RHOU: variants seen among roughly 807,000 people sequenced by gnomAD.
RHOU encodes the protein ras homolog family member U, also known as rho-related GTP-binding protein RhoU.
A neutral mutation model predicts 12.6 loss-of-function variants in RHOU; 8 were observed. The observed-to-expected ratio is 0.64, with a 90% CI of 0.37 to 1.15. RHOU has a LOEUF of 1.15. RHOU is among the 50% of genes most tolerant of loss of function. The pLI is 0.01. For synonymous variants in RHOU, 161 were observed against 147.4 expected, an observed-to-expected ratio of 1.09 and a Z score of -0.67; for missense variants, 258 against 347.0, an observed-to-expected ratio of 0.74 and a Z score of 2.04.
chr1:228,681,691 C>T, the RHOU span, among the ~76,000 whole-genome samples: 2 of 151,922 alleles, frequency 1.3e-5, no homozygotes, highest in African/African-American at 4.8e-5. Flanking sequence ...TGGGGCCAAG[C>T]GGTGTTGGAG....
At chr1:228,702,750 A>G in the RHOU span, among the ~76,000 whole-genome samples, 1 of 152,208 alleles carries the variant, frequency 6.6e-6, no homozygotes, top group Non-Finnish European at 1.5e-5. Context: ...TATTTTACCA[A>G]CAATTTAAAA....
chr1:228,722,705 C>T, the RHOU span, among the ~76,000 whole-genome samples: 1 of 152,152 alleles, frequency 6.6e-6, no homozygotes, highest in East Asian at 1.9e-4. Flanking sequence ...TCACTGCAAC[C>T]TCTGCCTCCC....
chr1:228,680,984 G>A, the RHOU span, among the ~76,000 whole-genome samples: 5 of 152,304 alleles, frequency 3.3e-5, no homozygotes, highest in South Asian at 2.1e-4. Flanking sequence ...GATTATCAGC[G>A]TGAGATTGGG....
At chr1:228,730,148 C>T in the RHOU span, among the ~76,000 whole-genome samples, 1 of 152,228 alleles carries the variant, frequency 6.6e-6, no homozygotes, top group East Asian at 1.9e-4. Flanking sequence ...CAGAGCCACT[C>T]CAAGGTACAG....
chr1:228,666,040 C>G, the RHOU span, among the ~76,000 whole-genome samples: 2 of 150,608 alleles, frequency 1.3e-5, no homozygotes, highest in African/African-American at 4.9e-5. Flanking sequence ...TCACTGCAAC[C>G]TCTGCCTCCC....
At position 228,739,291 on chromosome 1, in the gene RHOU, C is replaced by T. The variant is rs547492602; in HGVS notation, c.321+1560C>T. Among the ~76,000 whole-genome samples, 9 of 152,200 alleles carry T rather than the reference C, an allele frequency of 5.9e-5. No homozygotes were observed. In the South Asian group the frequency reaches 6.2e-4, roughly 11 times the overall value. ...GAGTTTTAAAACATGGCCAGCCAGG[C>T]GCGGTTGCTCACGCCTGTAATCCCA... On this transcript the variant is annotated intron_variant, in intron 2 of 2. Transcript: ENST00000366691.
the RHOU span, among the ~76,000 whole-genome samples, chr1:228,678,984 T>A: frequency 6.6e-6 from 1 of 151,816 alleles, no homozygotes; most frequent in African/African-American, 2.4e-5. Flanking sequence ...TCCAACCACA[T>A]AGCCCTGCAC....
At chr1:228,657,304 G>GAAAAAAAAAAAAAAAAAAAA in the RHOU span, among the ~76,000 whole-genome samples, 1 of 112,722 alleles carries the variant, frequency 8.9e-6, no homozygotes, top group Non-Finnish European at 1.9e-5. Context: ...AAAAAAAAAG[G>GAAAAAAAAAAAAAAAAAAAA]AAAAAGAAAA....
chr1:228,657,709 C>A, the RHOU span, among the ~76,000 whole-genome samples: 3 of 152,172 alleles, frequency 2.0e-5, no homozygotes, highest in Non-Finnish European at 4.4e-5. Context: ...CTATATCCAG[C>A]AGCTGCAATA....
chr1:228,682,645 A>T, the RHOU span, among the ~76,000 whole-genome samples: 3 of 152,206 alleles, frequency 2.0e-5, no homozygotes, highest in Non-Finnish European at 2.9e-5. Context: ...GGAGATTACA[A>T]AGTACGTTGA....
At chr1:228,734,719 G>A (rs1457209191), upstream of RHOU, among the ~76,000 whole-genome samples, 1 of 152,152 alleles carries the variant, frequency 6.6e-6, no homozygotes, top group African/African-American at 2.4e-5. Flanking sequence ...TCCTTTTTCT[G>A]AATAGACTGT....
the RHOU span, among the ~76,000 whole-genome samples, chr1:228,661,945 A>G: frequency 5.3e-5 from 8 of 152,242 alleles, no homozygotes; most frequent in Non-Finnish European, 8.8e-5. Context: ...CAAAGGACTA[A>G]TATCCAGAAT....
chr1:228,651,390 G>A, the RHOU span: 1 of 156,258 alleles, frequency 6.4e-6, no homozygotes. Flanking sequence ...AACTGGGATA[G>A]AGGAACAAGC....
chr1:228,650,592 C>T, the RHOU span: 4 of 454,480 alleles, frequency 8.8e-6, no homozygotes, highest in South Asian at 4.6e-5. Context: ...TGCCCTCCTG[C>T]TGGCGGGTCT....
the RHOU span, among the ~76,000 whole-genome samples, chr1:228,707,127 C>CAT: frequency 0.029 from 2,204 of 76,766 alleles, 92 homozygotes; most frequent in African/African-American, 0.049. Flanking sequence ...TATATATATA[C>CAT]ATATATATAT....
At chr1:228,707,476 GCCT>G in the RHOU span, among the ~76,000 whole-genome samples, 2 of 151,388 alleles carry the variant, frequency 1.3e-5, no homozygotes, top group African/African-American at 4.9e-5. Context: ...CGGGCAGACT[GCCT>G]CCTCAAGTGG....
At chr1:228,647,386 C>G in the RHOU span, among the ~76,000 whole-genome samples, 1 of 152,178 alleles carries the variant, frequency 6.6e-6, no homozygotes, top group Non-Finnish European at 1.5e-5. Flanking sequence ...GTCCGGAGGC[C>G]TGGGTCTCTG....
chr1:228,724,824 A>C, the RHOU span, among the ~76,000 whole-genome samples: 2 of 152,182 alleles, frequency 1.3e-5, no homozygotes, highest in African/African-American at 4.8e-5. Context: ...CTTATGCTAA[A>C]TAGGTGTGGC....
chr1:228,738,423 G>A lies in RHOU; in HGVS notation c.321+692G>A, dbSNP rs1431463264. 6.6e-6 allele frequency among the ~76,000 whole-genome samples: 1 copy of A among 152,212 alleles called. No individual in the cohort carries two copies. Among genetic ancestry groups the A allele is most frequent in the Non-Finnish European group, 1.5e-5 (1 of 68,048 alleles). On this transcript the variant is annotated intron_variant, in intron 2 of 2. Coordinates refer to ENST00000366691, the MANE Select transcript of RHOU (RefSeq NM_021205.6). The surrounding 1 kb of genome is among the most constrained non-coding windows in gnomAD (Gnocchi z 4.2). ...ATTGGTGGGTACTCGAGTCATTGAAGTCAGGCTGTGCCTTGTGAACACCCA... is the reference window on the plus strand; with the variant it reads ...ATTGGTGGGTACTCGAGTCATTGAAATCAGGCTGTGCCTTGTGAACACCCA...
Sources: allele counts gnomAD v4.1 joint callset (sites outside exome capture counted in the v4.1 genomes callset), GRCh38; gene constraint gnomAD v4.1.1; non-coding constraint Gnocchi (gnomAD v3.1); transcripts MANE v1.5; gene names NCBI Gene and HGNC (gene_info 2026-07-23, HGNC 2026-07-21).